Variants in ADGRL2 observed in about 807,000 individuals in gnomAD.
ADGRL2 encodes adhesion G protein-coupled receptor L2, also known as calcium-independent alpha-latrotoxin receptor 2.
Under a neutral mutation model 157.4 loss-of-function variants are expected in ADGRL2, and 44 were observed. The observed-to-expected ratio is 0.28, with a 90% confidence interval of 0.22 to 0.36. ADGRL2 has a LOEUF of 0.36. Among genes scored for constraint, ADGRL2 ranks in the 10% least tolerant of loss-of-function variants. ADGRL2 has a pLI of 1.00. For synonymous variants in ADGRL2, 585 were observed against 624.7 expected (o/e 0.94, Z 0.95); for missense variants, 1,510 against 1,768.9 (o/e 0.85, Z 2.63).
At chr1:81,502,765 CGGCGGCCCAGCT>C in intron 2 of ADGRL2, 1 of 1,613,400 alleles carries the variant, frequency 6.2e-7, no homozygotes, top group South Asian at 1.1e-5. Flanking sequence ...CAGGGAGAGC[CGGCGGCCCAGCT>C]ACAGCTCCTC....
At chr1:81,344,950 T>A (rs1662374228) in intron 1 of ADGRL2, among the ~76,000 whole-genome samples, 1 of 152,174 alleles carries the variant, frequency 6.6e-6, no homozygotes, top group Admixed American at 6.5e-5. Flanking sequence ...CATTCATTCA[T>A]CAACTTTACT....
At chr1:81,667,128 G>A (rs1281956185) in intron 3 of ADGRL2, among the ~76,000 whole-genome samples, 3 of 152,148 alleles carry the variant, frequency 2.0e-5, no homozygotes, top group South Asian at 2.1e-4. Flanking sequence ...AGACCAAGAC[G>A]AATTCATGAC....
Position 81,628,517 on chromosome 1 carries a change from T to A in ADGRL2, c.-143+47537T>A, listed in dbSNP as rs114029993. Among the ~76,000 whole-genome samples, 320 of 152,258 alleles carry A rather than the reference T, an allele frequency of 2.1e-3. 1 individual carries two copies. The highest frequency in any genetic ancestry group is 3.7e-3 in the Non-Finnish European group (254 of 68,012). On this transcript the variant is annotated intron_variant, in intron 3 of 24. Transcript: ENST00000370721. ...CCAGTCACTCAATACGTTAACATATTTTTTTTCTCACAACAGCCCTGTGAG... is the reference window on the plus strand; with the variant it reads ...CCAGTCACTCAATACGTTAACATATATTTTTTCTCACAACAGCCCTGTGAG...
chr1:81,825,535 G>A (rs1052154365), intron 1 of ADGRL2, among the ~76,000 whole-genome samples: 1 of 151,452 alleles, frequency 6.6e-6, no homozygotes, highest in Non-Finnish European at 1.5e-5. Context: ...AGTAGAGACG[G>A]GATTTCACCA....
At chr1:81,487,581 G>T (rs1047220593) in intron 2 of ADGRL2, among the ~76,000 whole-genome samples, 4 of 152,116 alleles carry the variant, frequency 2.6e-5, no homozygotes, top group Admixed American at 6.6e-5. Context: ...GGAAGCGGAG[G>T]TTGCAGGGAG....
At chr1:81,747,379 C>A (rs1241640916) in intron 1 of ADGRL2, among the ~76,000 whole-genome samples, 1 of 151,316 alleles carries the variant, frequency 6.6e-6, no homozygotes, top group African/African-American at 2.4e-5. Context: ...CAGCTCACTG[C>A]AACCTCTGCC....
At chr1:81,313,917 C>G (rs1399417505) in intron 1 of ADGRL2, among the ~76,000 whole-genome samples, 1 of 152,238 alleles carries the variant, frequency 6.6e-6, no homozygotes, top group Admixed American at 6.5e-5. Context: ...TGATATTTCT[C>G]TCCTTCATAC....
intron 2 of ADGRL2, among the ~76,000 whole-genome samples, chr1:81,839,839 ATG>A (rs57534731): frequency 0.2 from 18,502 of 94,362 alleles, 1,679 homozygotes; most frequent in South Asian, 0.25. Context: ...TCATATATAT[ATG>A]TTTTCCATCA....
chr1:81,876,629 A>T (rs2093848464), intron 2 of ADGRL2, among the ~76,000 whole-genome samples: 1 of 152,164 alleles, frequency 6.6e-6, no homozygotes, highest in Non-Finnish European at 1.5e-5. Context: ...AAAGACTTGT[A>T]GAAGTTAGGA....
chr1:81,346,839 T>A (rs978307599), intron 1 of ADGRL2, among the ~76,000 whole-genome samples: 2 of 152,134 alleles, frequency 1.3e-5, no homozygotes, highest in Non-Finnish European at 2.9e-5. Flanking sequence ...TGACTAAGAT[T>A]TTGATACCAA....
intron 2 of ADGRL2, among the ~76,000 whole-genome samples, chr1:81,511,978 A>T (rs1480115418): frequency 6.6e-6 from 1 of 152,138 alleles, no homozygotes; most frequent in Non-Finnish European, 1.5e-5. Context: ...TCCAAAGGGT[A>T]ATGCTGTCTC....
At chr1:81,480,283 A>G (rs12042644) in intron 2 of ADGRL2, among the ~76,000 whole-genome samples, 88,232 of 151,888 alleles carry the variant, frequency 0.58, 28,499 homozygotes, top group Non-Finnish European at 0.73. Context: ...CTGAACTCAT[A>G]TGACTATTAC....
intron 2 of ADGRL2, among the ~76,000 whole-genome samples, chr1:81,870,879 T>TAG (rs2093672463): frequency 6.6e-6 from 1 of 152,042 alleles, no homozygotes; most frequent in Admixed American, 6.6e-5. Context: ...TTTGTACTCT[T>TAG]TACCTAAAGC....
chr1:81,624,254 C>T (rs1355516766), intron 3 of ADGRL2, among the ~76,000 whole-genome samples: 5 of 152,080 alleles, frequency 3.3e-5, no homozygotes, highest in African/African-American at 1.2e-4. Context: ...TAGGTTGGTG[C>T]AAAAGTAATT....
At chr1:81,811,991 T>C (rs2089920699) in intron 1 of ADGRL2, among the ~76,000 whole-genome samples, 1 of 151,760 alleles carries the variant, frequency 6.6e-6, no homozygotes, top group African/African-American at 2.4e-5. Flanking sequence ...GAAAAGTTTG[T>C]GTATCCTGTC....
intron 1 of ADGRL2, among the ~76,000 whole-genome samples, chr1:81,801,669 G>A (rs892981762): frequency 6.6e-6 from 1 of 152,152 alleles, no homozygotes; most frequent in African/African-American, 2.4e-5. Context: ...AGGAGGGGTC[G>A]CCGCCGCCTC....
chr1:81,546,032 C>T (rs890622534), intron 2 of ADGRL2, among the ~76,000 whole-genome samples: 8 of 152,126 alleles, frequency 5.3e-5, no homozygotes, highest in Admixed American at 1.3e-4. Flanking sequence ...TAGCTCTGGA[C>T]GGATCAGTGC....
rs535267746 is a variant in ADGRL2, at chr1:81,575,202, C to A, written c.-247-5674C>A. On this transcript the variant is annotated intron_variant, in intron 2 of 24. Transcript: ENST00000370721. The stretch of plus-strand genomic sequence containing the variant: ...ATAATGTTTCGTGTCTTCCCCCATG[C>A]CGGTTTAAAAACTGCAGGAGCTATA... Among the ~76,000 whole-genome samples, 12 of 152,212 alleles carry A rather than the reference C, an allele frequency of 7.9e-5. No homozygotes were observed. The South Asian group carries it at 2.5e-3, about 32-fold the overall frequency.
At chr1:81,872,972 ACT>A (rs1373575851) in intron 2 of ADGRL2, among the ~76,000 whole-genome samples, 4 of 152,110 alleles carry the variant, frequency 2.6e-5, no homozygotes, top group African/African-American at 9.7e-5. Flanking sequence ...ATAATGCTTA[ACT>A]CTCTGAAGAA....
Sources: allele counts gnomAD v4.1 joint callset (sites outside exome capture counted in the v4.1 genomes callset), GRCh38; gene constraint gnomAD v4.1.1; transcripts MANE v1.5; gene names NCBI Gene and HGNC (gene_info 2026-07-23, HGNC 2026-07-21).